Variants in DEAF1 observed in about 807,000 individuals in gnomAD.
DEAF1 encodes deformed epidermal autoregulatory factor 1 homolog.
DEAF1 carries 53 observed loss-of-function variants against 58.9 expected under a neutral mutation model. That is an observed-to-expected ratio of 0.90 (90% CI 0.72 to 1.13). The LOEUF is 1.13. DEAF1 is among the 50% of genes most tolerant of loss of function. The pLI is 0.00. For missense variants in DEAF1, 685 were observed against 791.4 expected (o/e 0.87, Z 1.61); for synonymous variants, 385 against 340.4 (o/e 1.13, Z -1.44).
chr11:683,022 C>T (rs11828346), intron 6 of DEAF1, among the ~76,000 whole-genome samples: 2,992 of 152,246 alleles, frequency 0.02, 105 homozygotes, highest in African/African-American at 0.068. Flanking sequence ...GTAGCTCAAA[C>T]GTCACAATCC....
At chr11:700,601 C>T (rs1861407159) in intron 1 of DEAF1, 61 of 1,611,366 alleles carry the variant, frequency 3.8e-5, no homozygotes, top group Non-Finnish European at 5.2e-5. Context: ...TCCGTCCGCG[C>T]CTCTGCTCTT....
chr11:687,533 A>G (rs533594896), intron 4 of DEAF1, among the ~76,000 whole-genome samples: 2 of 152,322 alleles, frequency 1.3e-5, no homozygotes, highest in East Asian at 3.9e-4. Context: ...TCTGTCGCCC[A>G]GGATGGAGTG....
chr11:684,405 G>T (rs1860498272), intron 6 of DEAF1, among the ~76,000 whole-genome samples: 1 of 151,354 alleles, frequency 6.6e-6, no homozygotes, highest in Non-Finnish European at 1.5e-5. Flanking sequence ...GCGACAGAAT[G>T]AGACTTCGTC....
At chr11:655,580 G>T (rs1374982107) in intron 10 of DEAF1, among the ~76,000 whole-genome samples, 1 of 152,152 alleles carries the variant, frequency 6.6e-6, no homozygotes, top group Non-Finnish European at 1.5e-5. Context: ...GAGTGGCAGC[G>T]TCTGTGAGCA....
At position 672,841 on chromosome 11, in the gene DEAF1, C is replaced by T. The variant is rs573663308; in HGVS notation, c.1503+1695G>A. Among the ~76,000 whole-genome samples, 18 of 151,916 alleles carry T rather than the reference C, an allele frequency of 1.2e-4. No individual in the cohort carries two copies. In the South Asian group the frequency reaches 3.5e-3, roughly 30 times the overall value. On this transcript the variant is annotated intron_variant, in intron 10 of 11. Coordinates refer to ENST00000382409, the MANE Select transcript of DEAF1 (RefSeq NM_021008.4). ...CCAGCCTGAGCGACACAGCAAGACTCCGTCTCAAAAAAAAAAATTTTTTTT... is the reference window on the plus strand; with the variant it reads ...CCAGCCTGAGCGACACAGCAAGACTTCGTCTCAAAAAAAAAAATTTTTTTT...
chr11:673,860 T>C (rs1396746421), intron 10 of DEAF1: 2 of 154,516 alleles, frequency 1.3e-5, no homozygotes, highest in Non-Finnish European at 2.9e-5. Flanking sequence ...GTAATTTCTA[T>C]CTACCCTATT....
At chr11:690,281 C>CAGGGGAGGGG (rs1487274256) in intron 2 of DEAF1, among the ~76,000 whole-genome samples, 1 of 2,358 alleles carries the variant, frequency 4.2e-4, no homozygotes, top group Non-Finnish European at 8.1e-4. Flanking sequence ...CAGGGGAGGG[C>CAGGGGAGGGG]AGGGGAGGGC....
Position 688,110 on chromosome 11 carries a change from TAC to T in DEAF1, c.518-55_518-54del, listed in dbSNP as rs1355761121. 9.5e-5 allele frequency: 153 copies of T among 1,610,150 alleles called. No individual in the cohort carries two copies. The highest frequency in any genetic ancestry group is 9.6e-5 in the Non-Finnish European group (113 of 1,177,762). ...AGAGGCCGGACACCGGGAAGCATAG[TAC>T]ACTCTCATCTCAGACACCACCTCCC... On this transcript the variant is annotated intron_variant, in intron 3 of 11. Transcript: ENST00000382409. The surrounding 1 kb of genome is among the most constrained non-coding windows in gnomAD (Gnocchi z 4.3).
At chr11:683,046 C>T (rs1860443896) in intron 6 of DEAF1, among the ~76,000 whole-genome samples, 1 of 152,086 alleles carries the variant, frequency 6.6e-6, no homozygotes, top group African/African-American at 2.4e-5. Context: ...CTGCCCTTTC[C>T]AAGACTTACT....
intron 5 of DEAF1, 79 bp downstream of exon 5, chr11:686,779 C>T (rs567635179): frequency 1.9e-6 from 3 of 1,597,462 alleles, no homozygotes; most frequent in Admixed American, 1.7e-5. Flanking sequence ...GTGGTCTGTG[C>T]CCTCCCTCTG....
chr11:681,150 A>G, intron 6 of DEAF1, 61 bp from the exon 7 acceptor site: 3 of 1,611,378 alleles, frequency 1.9e-6, no homozygotes, highest in Non-Finnish European at 2.5e-6. Flanking sequence ...CTGCGCTTGC[A>G]ACTCCTCCTT....
chr11:682,046 C>G (rs1206850443), intron 6 of DEAF1, among the ~76,000 whole-genome samples: 1 of 152,242 alleles, frequency 6.6e-6, no homozygotes, highest in Non-Finnish European at 1.5e-5. Context: ...TTGTTTATTA[C>G]TCAGGTACGG....
In DEAF1 at chr11:702,861, C is replaced by T. The variant is rs11825205; in HGVS notation, c.-438+3711G>A. On this transcript the variant is annotated intron_variant, in intron 1 of 11. Transcript: ENST00000683307. ...CGTAGGGCAAGGAGCTGCTCTGGTCCCAGCAGCCCTCCAGGCACCTGTGGG... is the reference window on the plus strand; with the variant it reads ...CGTAGGGCAAGGAGCTGCTCTGGTCTCAGCAGCCCTCCAGGCACCTGTGGG... 988 of 1,363,258 alleles carry T rather than the reference C, an allele frequency of 7.2e-4. 3 individuals are homozygous for T. In the African/African-American group the frequency reaches 8.4e-3, roughly 12 times the overall value. 84.4% of individuals were successfully genotyped at this position (1,363,258 alleles called of 1,614,324 possible).
upstream of DEAF1, among the ~76,000 whole-genome samples, chr11:696,808 A>C (rs1315651374): frequency 1.0e-4 from 1 of 9,606 alleles, no homozygotes. Context: ...GGCCAGGCGC[A>C]GTAGCTCACG....
At chr11:661,126 G>C (rs1490034229) in intron 10 of DEAF1, among the ~76,000 whole-genome samples, 1 of 152,216 alleles carries the variant, frequency 6.6e-6, no homozygotes, top group South Asian at 2.1e-4. Flanking sequence ...GAAAGCCTGA[G>C]AGCGAGCTAC....
intron 5 of DEAF1, 33 bp from the exon 6 acceptor site, chr11:684,996 A>C: frequency 6.5e-7 from 1 of 1,527,400 alleles, no homozygotes; most frequent in Non-Finnish European, 8.9e-7. Context: ...ATGCATTAGC[A>C]AGTCAGCCCC....
Position 680,946 on chromosome 11 carries a change from TG to T in DEAF1, c.997+16del, listed in dbSNP as rs1860333820. On this transcript the variant is annotated intron_variant, in intron 7 of 11. Transcript: ENST00000382409. ...AGGTCCCCTCAGTAAACTAGAGCTG[TG>T]TTTTCTCAAACTCACAGGTGGTAGC... 1 of 1,613,990 alleles carries T rather than the reference TG, an allele frequency of 6.2e-7. No homozygotes were observed. The highest frequency in any genetic ancestry group is 8.5e-7 in the Non-Finnish European group (1 of 1,180,020).
upstream of DEAF1, chr11:695,584 A>C (rs1265773384): frequency 8.1e-7 from 1 of 1,239,752 alleles, no homozygotes; most frequent in Non-Finnish European, 1.0e-6. Flanking sequence ...CCGAGCCGAG[A>C]CGAGCCGAAT....
At chr11:701,445 C>T (rs1289350687) in intron 1 of DEAF1, among the ~76,000 whole-genome samples, 2 of 123,268 alleles carry the variant, frequency 1.6e-5, no homozygotes, top group Non-Finnish European at 3.2e-5. Flanking sequence ...GAGTCTCGCT[C>T]TGTCGCCCAG....
Sources: allele counts gnomAD v4.1 joint callset (sites outside exome capture counted in the v4.1 genomes callset), GRCh38; gene constraint gnomAD v4.1.1; non-coding constraint Gnocchi (gnomAD v3.1); transcripts MANE v1.5; gene names NCBI Gene and HGNC (gene_info 2026-07-23, HGNC 2026-07-21).